The following ANKRD62 variants were observed in gnomAD, a reference collection of about 807,000 sequenced individuals.
The protein encoded by ANKRD62 is ankyrin repeat domain-containing protein 62.
ANKRD62 carries 61 observed loss-of-function variants against 98.8 expected under a neutral mutation model. The ratio of observed to expected loss-of-function variants is 0.62; its 90% confidence interval spans 0.50 to 0.76. The LOEUF (loss-of-function observed/expected upper bound fraction) is 0.76. ANKRD62 is among the 30% of genes least tolerant of loss of function. ANKRD62 has a pLI of 0.00. For synonymous variants in ANKRD62, 341 were observed against 367.9 expected (o/e 0.93, Z 0.84); for missense variants, 933 against 1,082.9 (o/e 0.86, Z 1.94).
chr18:12,122,344 T>A lies in ANKRD62; in HGVS notation c.1282T>A (p.Cys428Ser). 6.5e-7 allele frequency: 1 copy of A among 1,535,478 alleles called. No homozygotes were observed. Among genetic ancestry groups the A allele is most frequent in the Non-Finnish European group, 8.7e-7 (1 of 1,146,680 alleles). Residue 428 changes from cysteine to serine, a missense_variant, in exon 11 of 14, where the codon TGT (cysteine) becomes AGT (serine). Around this residue, in one of 3 missense-constraint regions of ANKRD62, gnomAD observed 549 missense variants for 587.9 expected, o/e 0.93. Transcript: ENST00000587848. ...GAAAAGCAAGAATGCAACAGCTGCATGTGGAAGATCAATAGAGGATCAAAA... is the reference window on the plus strand; with the variant it reads ...GAAAAGCAAGAATGCAACAGCTGCAAGTGGAAGATCAATAGAGGATCAAAA... ...LSKSKNATAA[C>S]GRSIEDQKCY... is the part of the protein sequence containing the mutation.
the ANKRD62 span, among the ~76,000 whole-genome samples, chr18:12,169,409 G>C: frequency 6.6e-6 from 1 of 152,148 alleles, no homozygotes; most frequent in African/African-American, 2.4e-5. Context: ...TTTGTCTTTG[G>C]TTCTGTTTAT....
At chr18:12,115,202 T>A (rs1222719454) in intron 9 of ANKRD62, 81 bp downstream of exon 9, 6 of 1,321,688 alleles carry the variant, frequency 4.5e-6, no homozygotes, top group Non-Finnish European at 4.9e-6. Flanking sequence ...AATCTTTTGC[T>A]GTAAAGACAT....
In ANKRD62 at chr18:12,115,075, G is replaced by GC; in HGVS notation, c.1065-13_1065-12insC. ...CTATTTGCCTGATTGGAATTTTTTG[G>GC]TTTTTTTTTTAGGCTTGCAAGGAAA... On this transcript the variant is annotated splice_polypyrimidine_tract_variant and intron_variant, in intron 8 of 13. Coordinates refer to ENST00000587848, the MANE Select transcript of ANKRD62 (RefSeq NM_001277333.2). 8.3e-7 allele frequency: 1 copy of GC among 1,198,822 alleles called. No individual in the cohort carries two copies. Among genetic ancestry groups the GC allele is most frequent in the Non-Finnish European group, 1.1e-6 (1 of 927,102 alleles). The allele number at this position is 1,198,822 out of a possible 1,614,324, so 74.3% of individuals were successfully genotyped here.
At chr18:12,154,058 T>G in the ANKRD62 span, among the ~76,000 whole-genome samples, 1 of 152,204 alleles carries the variant, frequency 6.6e-6, no homozygotes, top group Non-Finnish European at 1.5e-5. Context: ...AAAGATTTTA[T>G]GAGAAAGACA....
intron 8 of ANKRD62, among the ~76,000 whole-genome samples, chr18:12,109,127 T>A (rs548329602): frequency 6.6e-6 from 1 of 152,344 alleles, no homozygotes; most frequent in Admixed American, 6.5e-5. Flanking sequence ...CATTGGCAAC[T>A]CTTTTTGGGG....
the ANKRD62 span, among the ~76,000 whole-genome samples, chr18:12,162,178 A>G: frequency 6.6e-6 from 1 of 152,044 alleles, no homozygotes; most frequent in Non-Finnish European, 1.5e-5. Context: ...GCTCAACAGC[A>G]TTTGTTATTG....
At chr18:12,172,690 T>A in the ANKRD62 span, among the ~76,000 whole-genome samples, 1 of 152,210 alleles carries the variant, frequency 6.6e-6, no homozygotes, top group African/African-American at 2.4e-5. Flanking sequence ...TGTTCAGCTA[T>A]GCTCTGTCCC....
At chr18:12,094,291 C>T in intron 1 of ANKRD62, 56 bp downstream of exon 1, 1 of 1,325,600 alleles carries the variant, frequency 7.5e-7, no homozygotes, top group Middle Eastern at 2.0e-4. Flanking sequence ...AGCCCCTGTT[C>T]CTGGTTTCGG....
At chr18:12,152,763 A>G in the ANKRD62 span, among the ~76,000 whole-genome samples, 9 of 152,232 alleles carry the variant, frequency 5.9e-5, no homozygotes, top group African/African-American at 2.2e-4. Context: ...AGGGCATCCA[A>G]ACAGGAAGAG....
chr18:12,102,180 T>C lies in ANKRD62; in HGVS notation c.821-978T>C, dbSNP rs1909313841. 3.3e-6 allele frequency: 3 copies of C among 917,792 alleles called. No individual in the cohort carries two copies. In the East Asian group the frequency reaches 7.2e-5, roughly 22 times the overall value. 56.9% of individuals were successfully genotyped at this position (917,792 alleles called of 1,614,324 possible). On this transcript the variant is annotated intron_variant, in intron 6 of 13. Coordinates refer to ENST00000587848, the MANE Select transcript of ANKRD62 (RefSeq NM_001277333.2). ...CCGAGTAACTATGAAGAGTGAGGGT[T>C]GCAGCAAGGAGTAGAGTCCGTCACA...
intron 4 of ANKRD62, among the ~76,000 whole-genome samples, chr18:12,096,988 A>C (rs572478096): frequency 6.6e-5 from 10 of 152,148 alleles, no homozygotes; most frequent in Non-Finnish European, 1.2e-4. Context: ...GAAAAAAGAG[A>C]TCGGCTATAG....
At chr18:12,095,877 G>C (rs891955440) in intron 3 of ANKRD62, among the ~76,000 whole-genome samples, 1 of 152,188 alleles carries the variant, frequency 6.6e-6, no homozygotes, top group Non-Finnish European at 1.5e-5. Context: ...CACATGTCTA[G>C]ATTTCAGGCT....
Position 12,107,476 on chromosome 18 carries a change from G to A in ANKRD62, c.1064+9G>A. 1 of 1,481,776 alleles carries A rather than the reference G, an allele frequency of 6.7e-7. No individual in the cohort carries two copies. Among genetic ancestry groups the A allele is most frequent in the Non-Finnish European group, 8.9e-7 (1 of 1,121,324 alleles). 91.8% of individuals were successfully genotyped at this position (1,481,776 alleles called of 1,614,324 possible). ...AATGGCGAGTTTGATAGGTAATCCTGTAGCGATAGTTAACAGCGGATCACT... is the reference window on the plus strand; with the variant it reads ...AATGGCGAGTTTGATAGGTAATCCTATAGCGATAGTTAACAGCGGATCACT... On this transcript the variant is annotated intron_variant, in intron 8 of 13. Transcript: ENST00000587848.
intron 3 of ANKRD62, among the ~76,000 whole-genome samples, 174 bp from the exon 4 acceptor site, chr18:12,096,022 T>A (rs563346360): frequency 6.6e-6 from 1 of 152,314 alleles, no homozygotes; most frequent in African/African-American, 2.4e-5. Flanking sequence ...AGGAGGGGTA[T>A]CTGAAAGGGA....
the ANKRD62 span, among the ~76,000 whole-genome samples, chr18:12,171,342 A>G: frequency 6.6e-6 from 1 of 152,214 alleles, no homozygotes. Flanking sequence ...GGTAGTGACA[A>G]AATCTCTCAG....
At chr18:12,167,450 A>G in the ANKRD62 span, among the ~76,000 whole-genome samples, 1 of 152,294 alleles carries the variant, frequency 6.6e-6, no homozygotes, top group Non-Finnish European at 1.5e-5. Flanking sequence ...CCATGTCGCT[A>G]CAAAGGACAT....
chr18:12,134,845 G>A, the ANKRD62 span, among the ~76,000 whole-genome samples: 1 of 152,106 alleles, frequency 6.6e-6, no homozygotes, highest in Non-Finnish European at 1.5e-5. Context: ...ACGTGTGCAT[G>A]TCTTTATAGC....
chr18:12,175,491 G>A, the ANKRD62 span, among the ~76,000 whole-genome samples: 10 of 152,116 alleles, frequency 6.6e-5, no homozygotes, highest in Admixed American at 1.3e-4. Context: ...CCAGCCAAGC[G>A]ATGTGGGGAG....
rs770511783 is a variant in ANKRD62, at chr18:12,127,745, C to T, written c.2563-3C>T. On this transcript the variant is annotated splice_polypyrimidine_tract_variant and splice_region_variant and intron_variant, in intron 13 of 13. Coordinates refer to ENST00000587848, the MANE Select transcript of ANKRD62 (RefSeq NM_001277333.2). Reference sequence around the variant, plus strand: ...ATCAGTAACAAAAATAACATCTTACCAGGTAGTCAGGAGACAGCTTCAACG... The same window carrying T: ...ATCAGTAACAAAAATAACATCTTACTAGGTAGTCAGGAGACAGCTTCAACG... 25 of 1,375,070 alleles carry T rather than the reference C, an allele frequency of 1.8e-5. No individual in the cohort carries two copies. In the South Asian group the frequency reaches 4.2e-4, roughly 23 times the overall value. 85.2% of individuals were successfully genotyped at this position (1,375,070 alleles called of 1,614,324 possible).
Sources: gnomAD v4.1 joint callset for allele counts (sites outside exome capture counted in the v4.1 genomes callset) on GRCh38, gnomAD v4.1.1 for gene constraint, gnomAD v4.1.1 regional missense constraint, MANE v1.5 for transcripts, NCBI Gene and HGNC (gene_info 2026-07-23, HGNC 2026-07-21) for gene names.